Variants in TELO2 observed in about 807,000 individuals in gnomAD.
TELO2 encodes telomere length regulation protein TEL2 homolog.
Under a neutral mutation model 91.0 loss-of-function variants are expected in TELO2, and 71 were observed. The observed-to-expected ratio is 0.78, with a 90% CI of 0.64 to 0.95. The LOEUF (loss-of-function observed/expected upper bound fraction) is 0.95, where lower values mean the gene tolerates loss of function less well. Among genes scored for constraint, TELO2 ranks in the 40% least tolerant of loss-of-function variants. The probability of loss-of-function intolerance (pLI) is 0.00; values close to 1 mark genes in which losing one functional copy is unlikely to be tolerated. For synonymous variants in TELO2, 584 were observed against 518.9 expected (o/e 1.13, Z -1.71); for missense variants, 1,183 against 1,141.3 (o/e 1.04, Z -0.53).
chr16:1,500,740 C>T (rs372204044), intron 9 of TELO2, 41 bp downstream of exon 9: 35 of 1,601,232 alleles, frequency 2.2e-5, no homozygotes, highest in African/African-American at 1.7e-4. Context: ...GTGGCTGGCC[C>T]GGGTCTCCCG....
At position 1,495,326 on chromosome 16, in the gene TELO2, C is replaced by A. The variant is rs1206350588; in HGVS notation, c.336-20C>A. 2.6e-6 allele frequency: 4 copies of A among 1,525,568 alleles called. No individual in the cohort carries two copies. In the Admixed American group the frequency reaches 6.0e-5, roughly 23 times the overall value. 94.5% of individuals were successfully genotyped at this position (1,525,568 alleles called of 1,614,324 possible). A position where few individuals can be genotyped will look rare whatever the true frequency, so the allele number is the denominator to read the frequency against. ...GAGGATGGGGGTTGGCGGCTCTGCC[C>A]AACACGCCCGTATCTTCAGCCCCAG... On this transcript the variant is annotated intron_variant, in intron 2 of 20. Coordinates refer to ENST00000262319, the MANE Select transcript of TELO2 (RefSeq NM_016111.4).
At position 1,494,286 on chromosome 16, in the gene TELO2, A is replaced by G. The variant is rs150708429; in HGVS notation, c.5A>G (p.Glu2Gly). ...CGCCCAGATCTGTCCTGCAGGATGG[A>G]GCCAGCACCCTCAGAGGTTCGACTC... M[E>G]PAPSEVRLAV... The change falls in exon 2 of 21, where the codon GAG becomes GGG. Residue 2 changes from glutamate (E) to glycine (G), a missense_variant. Physicochemically the swap from Glu to Gly is moderately conservative, Grantham distance 98. Transcript: ENST00000262319. The surrounding 1 kb of genome is among the most constrained non-coding windows in gnomAD (Gnocchi z 5.6). 19 of 1,611,982 alleles carry G rather than the reference A, an allele frequency of 1.2e-5. No individual in the cohort carries two copies. The African/African-American group carries it at 2.0e-4, about 17-fold the overall frequency.
intron 17 of TELO2, 101 bp from the exon 18 acceptor site, chr16:1,506,851 G>C: frequency 2.8e-6 from 4 of 1,448,830 alleles, no homozygotes; most frequent in Non-Finnish European, 3.6e-6. Flanking sequence ...CACGGGAGGA[G>C]GGGCTGTGTG....
At position 1,500,647 on chromosome 16, in the gene TELO2, C is replaced by T; in HGVS notation, c.1229C>T (p.Ala410Val). The change falls in exon 9 of 21, where the codon GCA (alanine) becomes GTA (valine). Residue 410 changes from alanine (A) to valine (V), a missense_variant. Ala to Val is a moderately conservative substitution (Grantham distance 64). Coordinates refer to ENST00000262319, the MANE Select transcript of TELO2 (RefSeq NM_016111.4). ...GTGCGACGCCTGGGCATGATCGTGGCAGAGGTCGTTAGTGCCCGGATCCAC... is the reference window on the plus strand; with the variant it reads ...GTGCGACGCCTGGGCATGATCGTGGTAGAGGTCGTTAGTGCCCGGATCCAC... ...PPVRRLGMIV[A>V]EVVSARIHPE... The T allele has an allele frequency of 1.9e-6, 3 of 1,612,610 alleles. No homozygotes were observed. Among genetic ancestry groups the T allele is most frequent in the South Asian group, 1.1e-5 (1 of 91,080 alleles).
At chr16:1,509,733 A>G in intron 20 of TELO2, 97 bp from the exon 21 acceptor site, 1 of 1,145,674 alleles carries the variant, frequency 8.7e-7, no homozygotes, top group South Asian at 1.4e-5. Flanking sequence ...CCATGGAGTC[A>G]GGCCTGGCGG....
chr16:1,501,581 A>G, intron 10 of TELO2, 82 bp downstream of exon 10: 1 of 1,565,870 alleles, frequency 6.4e-7, no homozygotes, highest in African/African-American at 1.4e-5. Context: ...GAGGGGGGAA[A>G]CCCTTTCTTT....
rs2039845025 is a variant in TELO2 at position 1,505,205 on chromosome 16, G to A, written c.1843-205G>A. The A allele has an allele frequency of 1.7e-6, 1 of 592,918 alleles. No homozygotes were observed. The allele number at this position is 592,918 out of a possible 1,614,324, so 36.7% of individuals were successfully genotyped here. ...GCGTGTTCTCATCTCCTGGAGCACG[G>A]TGCCCACCTTCCCCACCTTCCCGCC... is the stretch of plus-strand genomic sequence containing the variant. On this transcript the variant is annotated intron_variant, in intron 15 of 20. Coordinates refer to ENST00000262319, the MANE Select transcript of TELO2 (RefSeq NM_016111.4). This position sits in a 1 kb window ranked among gnomAD's most constrained non-coding sequence, Gnocchi z 4.3.
In TELO2 at chr16:1,494,880, C is replaced by T. The variant is rs2039421263; in HGVS notation, c.335+264C>T. 6.6e-6 allele frequency among the ~76,000 whole-genome samples: 1 copy of T among 152,196 alleles called. No individual in the cohort carries two copies. The highest frequency in any genetic ancestry group is 6.5e-5 in the Admixed American group (1 of 15,272). On this transcript the variant is annotated intron_variant, in intron 2 of 20. Coordinates refer to ENST00000262319, the MANE Select transcript of TELO2 (RefSeq NM_016111.4). The surrounding 1 kb of genome is among the most constrained non-coding windows in gnomAD (Gnocchi z 5.6). ...GGGGTGGGAGTGTTCACATCCCAGG[C>T]GGCAGAGGCAGCCCGTCAGCTGGGG...
At chr16:1,502,844 T>C (rs2039748750) in intron 14 of TELO2, 83 bp downstream of exon 14, 3 of 1,603,068 alleles carry the variant, frequency 1.9e-6, no homozygotes, top group Non-Finnish European at 2.5e-6. Context: ...CTCGGTCCTG[T>C]GCTGGAGCTG....
At chr16:1,508,579 C>G (rs1331995166) in intron 20 of TELO2, among the ~76,000 whole-genome samples, 1 of 152,214 alleles carries the variant, frequency 6.6e-6, no homozygotes, top group East Asian at 1.9e-4. Flanking sequence ...GACTTGTGCT[C>G]AGACCTCTGT....
intron 11 of TELO2, 84 bp downstream of exon 11, chr16:1,501,857 GGCTC>G: frequency 6.7e-7 from 1 of 1,487,692 alleles, no homozygotes; most frequent in Non-Finnish European, 9.2e-7. Flanking sequence ...CCCCGTGGGG[GGCTC>G]CCTGCCTGCT....
At chr16:1,502,597 C>T (rs189452972) in intron 13 of TELO2, 48 bp from the exon 14 acceptor site, 71 of 1,586,802 alleles carry the variant, frequency 4.5e-5, no homozygotes, top group Admixed American at 3.9e-4. Context: ...GAGGCCTCGG[C>T]GGGCAGCTGG....
rs1253720567 is a variant in TELO2 at position 1,502,129 on chromosome 16, G to C, written c.1555G>C (p.Val519Leu). 1 of 1,612,740 alleles carries C rather than the reference G, an allele frequency of 6.2e-7. No individual in the cohort carries two copies. Among genetic ancestry groups the C allele is most frequent in the Non-Finnish European group, 8.5e-7 (1 of 1,179,968 alleles). The stretch of plus-strand genomic sequence containing the variant: ...GGCTCCTGCCTACGTCCGGGACTGC[G>C]TGGAAGGTGGGCACGGGCCCCTGGA... Reference protein sequence around the residue: ...SKAPAYVRDCVEALTTSEDIE... With the variant: ...SKAPAYVRDCLEALTTSEDIE... Residue 519 changes from valine (V) to leucine (L), a missense_variant, in exon 12 of 21, where the codon GTG becomes CTG. By Grantham distance (32) the Val-to-Leu change is conservative. Transcript: ENST00000262319.
rs1555471205 is a variant in TELO2 at position 1,501,696 on chromosome 16, T to G, written c.1395T>G (p.Pro465=). The change falls in exon 11 of 21, where the codon CCT becomes CCG. Residue 465 remains proline (P), a synonymous_variant. Coordinates refer to ENST00000262319, the MANE Select transcript of TELO2 (RefSeq NM_016111.4). The part of the protein sequence containing the change: ...TSLVPATAEP[P]AETPAEIVDG... ...TCGTTCCAGCCACGGCAGAGCCCCCTGCAGAGACCCCCGCAGAGATCGTGG... is the reference window on the plus strand; with the variant it reads ...TCGTTCCAGCCACGGCAGAGCCCCCGGCAGAGACCCCCGCAGAGATCGTGG... 6.2e-7 allele frequency: 1 copy of G among 1,612,588 alleles called. No individual in the cohort carries two copies.
chr16:1,502,701 G>C lies in TELO2; in HGVS notation c.1710G>C (p.Val570=). The C allele has an allele frequency of 6.2e-7, 1 of 1,612,784 alleles. No homozygotes were observed. ...LLHLEEKTCV[V]GFAGLRQRAL... Reference sequence around the variant, plus strand: ...ATCTGGAGGAGAAGACCTGTGTGGTGGGATTTGCAGGGCTGCGCCAGAGAG... The same window carrying C: ...ATCTGGAGGAGAAGACCTGTGTGGTCGGATTTGCAGGGCTGCGCCAGAGAG... Residue 570 remains valine, a synonymous_variant, in exon 14 of 21, where the codon GTG becomes GTC. Coordinates refer to ENST00000262319, the MANE Select transcript of TELO2 (RefSeq NM_016111.4).
In TELO2 at chr16:1,505,024, T is replaced by G. The variant is rs1383788756; in HGVS notation, c.1843-386T>G. 1.1e-5 allele frequency: 2 copies of G among 182,680 alleles called. No individual in the cohort carries two copies. The highest frequency in any genetic ancestry group is 2.3e-5 in the Non-Finnish European group (2 of 86,082). 11.3% of individuals were successfully genotyped at this position (182,680 alleles called of 1,614,324 possible). A position where few individuals can be genotyped will look rare whatever the true frequency, so the allele number is the denominator to read the frequency against. On this transcript the variant is annotated intron_variant, in intron 15 of 20. Coordinates refer to ENST00000262319, the MANE Select transcript of TELO2 (RefSeq NM_016111.4). The surrounding 1 kb of genome is among the most constrained non-coding windows in gnomAD (Gnocchi z 4.3). Reference sequence around the variant, plus strand: ...AGAGATGGAGGCGCACATGGGTCCTTGGTGCCTTCTCTGCAATGTTCTGAG... The same window carrying G: ...AGAGATGGAGGCGCACATGGGTCCTGGGTGCCTTCTCTGCAATGTTCTGAG...
intron 2 of TELO2, 77 bp from the exon 3 acceptor site, chr16:1,495,269 C>G (rs2039437336): frequency 6.8e-7 from 1 of 1,477,046 alleles, no homozygotes; most frequent in African/African-American, 1.4e-5. Flanking sequence ...GTAATCCGGG[C>G]TGCTGGTTCC....
rs368691900 is a variant in TELO2 at position 1,507,625 on chromosome 16, G to A, written c.2316G>A (p.Ser772=). The stretch of plus-strand genomic sequence containing the variant: ...GCTACGTGCGCCAGGGGCTGTTGTC[G>A]GCCGTCTCCTCCGTCCTGCTCAGCC... The part of the protein sequence containing the change: ...IDAYVRQGLL[S]AVSSVLLSLP... The change falls in exon 20 of 21, where the codon TCG becomes TCA. Residue 772 remains serine, a synonymous_variant. Transcript: ENST00000262319. 9.3e-5 allele frequency: 148 copies of A among 1,595,744 alleles called. 1 individual carries two copies. In the African/African-American group the frequency reaches 1.7e-3, roughly 18 times the overall value.
intron 10 of TELO2, 50 bp downstream of exon 10, chr16:1,501,549 C>G (rs770296392): frequency 2.5e-6 from 4 of 1,572,584 alleles, no homozygotes; most frequent in Non-Finnish European, 3.5e-6. Flanking sequence ...TCTTACTGCT[C>G]TGGATTCCGC....
Sources: allele counts gnomAD v4.1 joint callset (sites outside exome capture counted in the v4.1 genomes callset), GRCh38; gene constraint gnomAD v4.1.1; non-coding constraint Gnocchi (gnomAD v3.1); transcripts MANE v1.5; gene names NCBI Gene and HGNC (gene_info 2026-07-23, HGNC 2026-07-21).